GGA3: variants seen among roughly 807,000 people sequenced by gnomAD.
The protein encoded by GGA3 is golgi associated, gamma adaptin ear containing, ARF binding protein 3.
GGA3 carries 57 observed loss-of-function variants against 77.5 expected under a neutral mutation model. That is an observed-to-expected ratio of 0.74 (90% CI 0.59 to 0.92). GGA3 has a LOEUF of 0.92. Among genes scored for constraint, GGA3 ranks in the 40% least tolerant of loss-of-function variants. The pLI is 0.00. For synonymous variants in GGA3, 416 were observed against 383.7 expected, an observed-to-expected ratio of 1.08 and a Z score of -0.98; for missense variants, 970 against 914.9, an observed-to-expected ratio of 1.06 and a Z score of -0.78.
Position 75,238,392 on chromosome 17 carries a change from G to A in GGA3, c.2062-3C>T. On this transcript the variant is annotated splice_polypyrimidine_tract_variant and splice_region_variant and intron_variant, in intron 16 of 16. Transcript: ENST00000537686. ...TTATACCGAAGCCGCACCTTCTCCT[G>A]TGACAGAGGGCAGCAAGTGAGATCC... is the stretch of plus-strand genomic sequence containing the variant. 1 of 1,612,682 alleles carries A rather than the reference G, an allele frequency of 6.2e-7. No homozygotes were observed. The highest frequency in any genetic ancestry group is 1.1e-5 in the South Asian group (1 of 91,022).
chr17:75,253,095 T>A (rs1031207550), intron 1 of GGA3, among the ~76,000 whole-genome samples: 5 of 152,126 alleles, frequency 3.3e-5, no homozygotes, highest in African/African-American at 1.2e-4. Context: ...CCTTGGGAGA[T>A]CAATCCCCTG....
Position 75,239,777 on chromosome 17 carries a change from C to CGTG in GGA3, c.1583+11_1583+12insCAC, listed in dbSNP as rs755773691. 57 of 1,613,146 alleles carry CGTG rather than the reference C, an allele frequency of 3.5e-5. No homozygotes were observed. In the African/African-American group the frequency reaches 6.7e-4, roughly 19 times the overall value. Reference sequence around the variant, plus strand: ...AACCCTCAGCAACCCCACATCTCCTCCCACTCATTACACTTTGGCCTCTTC... The same window carrying CGTG: ...AACCCTCAGCAACCCCACATCTCCTCGTGCCACTCATTACACTTTGGCCTCTTC... On this transcript the variant is annotated intron_variant, in intron 13 of 16. Coordinates refer to ENST00000537686, the MANE Select transcript of GGA3 (RefSeq NM_138619.4).
Position 75,237,834 on chromosome 17 carries a change from G to A in GGA3, c.*445C>T, listed in dbSNP as rs771725915. On this transcript the variant is annotated 3_prime_UTR_variant, in exon 17 of 17. Transcript: ENST00000537686. Reference sequence around the variant, plus strand: ...GGAAGCATGGAATTGCAACAGGGCTGCAGCCCCTTGGGCCGTGCATCTGTC... The same window carrying A: ...GGAAGCATGGAATTGCAACAGGGCTACAGCCCCTTGGGCCGTGCATCTGTC... The A allele has an allele frequency of 1.6e-5, 23 of 1,426,994 alleles. No individual in the cohort carries two copies. In the African/African-American group the frequency reaches 2.4e-4, roughly 15 times the overall value. 88.4% of individuals were successfully genotyped at this position (1,426,994 alleles called of 1,614,324 possible).
intron 1 of GGA3, among the ~76,000 whole-genome samples, chr17:75,261,187 G>A (rs1428397434): frequency 6.6e-6 from 1 of 152,346 alleles, no homozygotes; most frequent in African/African-American, 2.4e-5. Context: ...TGGGGCGCTG[G>A]GTTCCTGGTG....
intron 13 of GGA3, 47 bp from the exon 14 acceptor site, chr17:75,239,618 C>A: frequency 6.7e-7 from 1 of 1,490,992 alleles, no homozygotes. Context: ...CCAGCCAGAG[C>A]TGCAGGACTC....
chr17:75,242,299 A>T (rs751795340), intron 8 of GGA3, 37 bp downstream of exon 8: 5 of 1,612,426 alleles, frequency 3.1e-6, no homozygotes, highest in Non-Finnish European at 4.2e-6. Flanking sequence ...AGGGCAGCGC[A>T]GCCCCGGGAG....
chr17:75,243,796 ATCACCTCCTG>A (rs756240612), intron 4 of GGA3, among the ~76,000 whole-genome samples: 15 of 152,096 alleles, frequency 9.9e-5, no homozygotes, highest in Non-Finnish European at 1.6e-4. Context: ...CCAGGAGGTC[ATCACCTCCTG>A]TCCAGGAAGT....
At chr17:75,241,594 G>T in intron 9 of GGA3, 21 bp downstream of exon 9, 1 of 1,611,410 alleles carries the variant, frequency 6.2e-7, no homozygotes, top group Non-Finnish European at 8.5e-7. Context: ...GCTTATCCCT[G>T]ACCGTCGCTC....
chr17:75,257,284 C>CT (rs1555591646), intron 1 of GGA3, among the ~76,000 whole-genome samples: 4 of 68,282 alleles, frequency 5.9e-5, no homozygotes, highest in Non-Finnish European at 5.6e-5. Context: ...CTGTGCCCCC[C>CT]CCCCCAAAAA....
In GGA3 at chr17:75,238,824, G is replaced by A. The variant is rs549755776; in HGVS notation, c.1951-62C>T. On this transcript the variant is annotated intron_variant, in intron 15 of 16. Coordinates refer to ENST00000537686, the MANE Select transcript of GGA3 (RefSeq NM_138619.4). Reference sequence around the variant, plus strand: ...GGTGCCCCCAGATGGAACCTGCAGTGCACACACACACTGCCACCTGCTGGC... The same window carrying A: ...GGTGCCCCCAGATGGAACCTGCAGTACACACACACACTGCCACCTGCTGGC... 4.5e-5 allele frequency: 71 copies of A among 1,561,564 alleles called. 3 individuals are homozygous for A. In the South Asian group the frequency reaches 8.1e-4, roughly 18 times the overall value.
At chr17:75,261,351 C>CG (rs1265304246) in intron 1 of GGA3, among the ~76,000 whole-genome samples, 197 bp downstream of exon 1, 1 of 152,232 alleles carries the variant, frequency 6.6e-6, no homozygotes, top group Non-Finnish European at 1.5e-5. Context: ...CGCGCCGCAG[C>CG]GAGGGAAGCG....
intron 1 of GGA3, chr17:75,248,808 A>AC: frequency 1.3e-6 from 1 of 753,620 alleles, no homozygotes; most frequent in Non-Finnish European, 1.4e-6. Context: ...AAACAAAAAC[A>AC]AAAAAAACAA....
chr17:75,250,622 G>A (rs2076928391), intron 1 of GGA3, among the ~76,000 whole-genome samples: 1 of 151,750 alleles, frequency 6.6e-6, no homozygotes, highest in Non-Finnish European at 1.5e-5. Flanking sequence ...AATTAGCTAG[G>A]CACGGTAGCA....
rs368037576 is a variant in GGA3, at chr17:75,261,602, G to C, written c.-15C>G. The C allele has an allele frequency of 1.3e-6, 2 of 1,541,088 alleles. No homozygotes were observed. The highest frequency in any genetic ancestry group is 2.8e-5 in the African/African-American group (2 of 71,960). ...GCCTCCGCCATATTGCAGCCGCCCG[G>C]CCCCGCGGCTTCAAAACTCGCGAGA... On this transcript the variant is annotated 5_prime_UTR_variant, in exon 1 of 17. Coordinates refer to ENST00000537686, the MANE Select transcript of GGA3 (RefSeq NM_138619.4).
At chr17:75,253,972 A>G (rs969693912) in intron 1 of GGA3, among the ~76,000 whole-genome samples, 1 of 152,216 alleles carries the variant, frequency 6.6e-6, no homozygotes, top group Non-Finnish European at 1.5e-5. Flanking sequence ...CTAAATGGCC[A>G]GAAAACGGCA....
chr17:75,247,258 C>T (rs902059256), intron 1 of GGA3, among the ~76,000 whole-genome samples: 3 of 146,844 alleles, frequency 2.0e-5, no homozygotes, highest in African/African-American at 8.2e-5. Flanking sequence ...TATTTGTAAC[C>T]ACAAATTTTT....
chr17:75,241,234 C>T (rs924227002), intron 10 of GGA3, among the ~76,000 whole-genome samples, 166 bp downstream of exon 10: 2 of 152,114 alleles, frequency 1.3e-5, no homozygotes, highest in African/African-American at 4.8e-5. Context: ...AAATTCCTAC[C>T]CACATCTCCA....
chr17:75,250,880 G>A (rs62086216), intron 1 of GGA3, among the ~76,000 whole-genome samples: 2 of 151,374 alleles, frequency 1.3e-5, no homozygotes, highest in Admixed American at 6.6e-5. Context: ...TTAGGAGTTC[G>A]AGACCAGCCT....
chr17:75,255,995 AC>A (rs1346693419), intron 1 of GGA3, among the ~76,000 whole-genome samples: 2 of 152,074 alleles, frequency 1.3e-5, no homozygotes. Context: ...CTCATCTGTT[AC>A]CTATCTCGGC....
Sources: allele counts gnomAD v4.1 joint callset (sites outside exome capture counted in the v4.1 genomes callset), GRCh38; gene constraint gnomAD v4.1.1; transcripts MANE v1.5; gene names NCBI Gene and HGNC (gene_info 2026-07-23, HGNC 2026-07-21).